Variants in PDP1 observed in about 807,000 individuals in gnomAD.
PDP1 encodes the protein pyruvate dehyrogenase phosphatase catalytic subunit 1.
In PDP1, 14 loss-of-function variants were observed where a neutral mutation model predicts 37.1. That is an observed-to-expected ratio of 0.38 (90% CI 0.25 to 0.59). The LOEUF is 0.59. PDP1 is among the 20% of genes least tolerant of loss of function. The probability of loss-of-function intolerance (pLI) is 0.67; values close to 1 mark genes in which losing one functional copy is unlikely to be tolerated. For missense variants in PDP1, 544 were observed against 655.3 expected, an observed-to-expected ratio of 0.83 and a Z score of 1.85; for synonymous variants, 251 against 243.3, an observed-to-expected ratio of 1.03 and a Z score of -0.29.
intron 1 of PDP1, chr8:93,921,684 T>C (rs1810275929): frequency 4.9e-6 from 1 of 204,354 alleles, no homozygotes; most frequent in East Asian, 1.2e-4. Flanking sequence ...TAATGTTATA[T>C]AACCTTCATC....
chr8:93,923,182 C>G lies in PDP1; in HGVS notation c.1123C>G (p.Gln375Glu). The G allele has an allele frequency of 6.2e-7, 1 of 1,614,094 alleles. No homozygotes were observed. The highest frequency in any genetic ancestry group is 1.1e-5 in the South Asian group (1 of 91,080). Residue 375 changes from glutamine to glutamate, a missense_variant, in exon 2 of 2, where the codon CAG (glutamine) becomes GAG (glutamate). Coordinates refer to ENST00000297598, the MANE Select transcript of PDP1 (RefSeq NM_018444.4). This position sits in a 1 kb window ranked among gnomAD's most constrained non-coding sequence, Gnocchi z 4.3. ...GAGAGTGATAGAATCTGGCCCAGAC[C>G]AGTTGAATGACAATGAATATACCAA... ...QKRVIESGPD[Q>E]LNDNEYTKFI...
intron 1 of PDP1, chr8:93,917,842 C>T: frequency 6.2e-7 from 1 of 1,612,846 alleles, no homozygotes; most frequent in Non-Finnish European, 8.5e-7. Context: ...TTTCAATGGG[C>T]CGGTGCTGCT....
chr8:93,917,884 G>A (rs1223342938), intron 1 of PDP1: 1 of 1,613,998 alleles, frequency 6.2e-7, no homozygotes, highest in Non-Finnish European at 8.5e-7. Flanking sequence ...GGTTGTGGAT[G>A]TTGTCGGCTC....
At position 93,925,596 on chromosome 8, in the gene PDP1, T is replaced by G. The variant is rs1333646100; in HGVS notation, c.*1923T>G. 1.2e-5 allele frequency: 2 copies of G among 167,012 alleles called. No individual in the cohort carries two copies. The highest frequency in any genetic ancestry group is 2.4e-5 in the African/African-American group (1 of 41,448). The allele number at this position is 167,012 out of a possible 1,614,324, so 10.3% of individuals were successfully genotyped here. On this transcript the variant is annotated 3_prime_UTR_variant, in exon 2 of 2. Transcript: ENST00000297598. ...TGTGGTCATGATCAAGATAGTAGTA[T>G]TATTACACAAGAAACTTGGTCTGCA...
intron 1 of PDP1, chr8:93,919,785 C>A (rs929934767): frequency 4.6e-5 from 7 of 151,928 alleles, no homozygotes; most frequent in African/African-American, 7.3e-5. Flanking sequence ...GATAGAAAAC[C>A]TTTATTCAAA....
chr8:93,917,872 C>T, intron 1 of PDP1: 4 of 1,613,846 alleles, frequency 2.5e-6, no homozygotes, highest in Non-Finnish European at 3.4e-6. Flanking sequence ...GCTGCCCGCG[C>T]GGGTTGTGGA....
intron 1 of PDP1, chr8:93,920,773 T>C (rs1810244424): frequency 1.2e-6 from 1 of 825,664 alleles, no homozygotes; most frequent in South Asian, 5.6e-5. Context: ...TCTTTTAAAA[T>C]TTATTTTTAA....
In PDP1 at chr8:93,923,263, A is replaced by G. The variant is rs769193664; in HGVS notation, c.1204A>G (p.Thr402Ala). ...TTATCTCACTGCTGAGCCAGAGGTA[A>G]CTTACCACCGATTAAGGCCACAGGA... ...PPYLTAEPEV[T>A]YHRLRPQDKF... The change falls in exon 2 of 2, where the codon ACT (threonine) becomes GCT (alanine). Residue 402 changes from threonine (T) to alanine (A), a missense_variant. By Grantham distance (58) the Thr-to-Ala change is moderately conservative (BLOSUM62 0). This residue lies in a region of PDP1 where 3 missense variants were observed against 17.2 expected (regional missense o/e 0.17). Transcript: ENST00000297598. This position sits in a 1 kb window ranked among gnomAD's most constrained non-coding sequence, Gnocchi z 4.3. The G allele has an allele frequency of 1.2e-6, 2 of 1,614,194 alleles. No homozygotes were observed.
chr8:93,922,989 G>C lies in PDP1; in HGVS notation c.930G>C (p.Leu310=), dbSNP rs1469669186. Residue 310 remains leucine, a synonymous_variant, in exon 2 of 2, where the codon CTG becomes CTC. Transcript: ENST00000297598. The surrounding 1 kb of genome is among the most constrained non-coding windows in gnomAD (Gnocchi z 4.0). ...EEDGSWSAVT[L]SNDHNAQNER... is the part of the protein sequence containing the mutation. Reference sequence around the variant, plus strand: ...ACGGCTCATGGTCAGCAGTCACGCTGTCTAATGACCACAATGCTCAAAATG... The same window carrying C: ...ACGGCTCATGGTCAGCAGTCACGCTCTCTAATGACCACAATGCTCAAAATG... The C allele has an allele frequency of 6.2e-7, 1 of 1,614,058 alleles. No individual in the cohort carries two copies. Among genetic ancestry groups the C allele is most frequent in the African/African-American group, 1.3e-5 (1 of 74,922 alleles).
chr8:93,923,239 T>A lies in PDP1; in HGVS notation c.1180T>A (p.Tyr394Asn). The change falls in exon 2 of 2, where the codon TAT becomes AAT. Residue 394 changes from tyrosine to asparagine, a missense_variant. Physicochemically the swap from Tyr to Asn is moderately radical, Grantham distance 143. Coordinates refer to ENST00000297598, the MANE Select transcript of PDP1 (RefSeq NM_018444.4). The surrounding 1 kb of genome is among the most constrained non-coding windows in gnomAD (Gnocchi z 4.3). The part of the protein sequence containing the change: ...FIPPNYHTPP[Y>N]LTAEPEVTYH... ...TCCTCCTAATTATCACACACCTCCT[T>A]ATCTCACTGCTGAGCCAGAGGTAAC... is the stretch of plus-strand genomic sequence containing the variant. 6.2e-7 allele frequency: 1 copy of A among 1,614,182 alleles called. No individual in the cohort carries two copies. The highest frequency in any genetic ancestry group is 8.5e-7 in the Non-Finnish European group (1 of 1,180,012).
At chr8:93,917,997 G>C (rs995642713) in intron 1 of PDP1, 1 of 1,605,376 alleles carries the variant, frequency 6.2e-7, no homozygotes, top group Non-Finnish European at 8.5e-7. Context: ...GATGGTGACA[G>C]ATTTTTGTGT....
Position 93,923,665 on chromosome 8 carries a change from C to G in PDP1, c.1606C>G (p.Gln536Glu), listed in dbSNP as rs1347339456. Residue 536 changes from glutamine to glutamate, a missense_variant, in exon 2 of 2, where the codon CAA becomes GAA. By Grantham distance (29) the Gln-to-Glu change is conservative. Transcript: ENST00000297598. This position sits in a 1 kb window ranked among gnomAD's most constrained non-coding sequence, Gnocchi z 4.3. The stretch of plus-strand genomic sequence containing the variant: ...TCATGTTGTAGGGGCGTATCAAAAC[C>G]AAGAATAGTGAGTGGCTCTTTCACT... Reference protein sequence around the residue: ...NSHVVGAYQNQE With the variant: ...NSHVVGAYQNEE The G allele has an allele frequency of 6.2e-7, 1 of 1,611,836 alleles. No individual in the cohort carries two copies. Among genetic ancestry groups the G allele is most frequent in the East Asian group, 2.2e-5 (1 of 44,896 alleles).
Position 93,917,597 on chromosome 8 carries a change from C to T in PDP1, c.-45+518C>T, listed in dbSNP as rs548720209. 11 of 427,528 alleles carry T rather than the reference C, an allele frequency of 2.6e-5. No homozygotes were observed. In the South Asian group the frequency reaches 3.3e-4, roughly 13 times the overall value. 26.5% of individuals were successfully genotyped at this position (427,528 alleles called of 1,614,324 possible). A position where few individuals can be genotyped will look rare whatever the true frequency, so the allele number is the denominator to read the frequency against. ...CGCCCCGGCTGGATGGAGGGGCTGG[C>T]CCTCGGGGCGCACCCCTGCTCGCGC... is the stretch of plus-strand genomic sequence containing the variant. On this transcript the variant is annotated intron_variant, in intron 1 of 1. Transcript: ENST00000297598.
intron 1 of PDP1, among the ~76,000 whole-genome samples, chr8:93,919,495 C>T (rs1810192985): frequency 1.4e-5 from 1 of 70,086 alleles, no homozygotes; most frequent in Admixed American, 1.9e-4. Flanking sequence ...GCTGCCCTCC[C>T]TCCCCCCCCC....
At chr8:93,920,727 T>C in intron 1 of PDP1, 1 of 892,344 alleles carries the variant, frequency 1.1e-6, no homozygotes, top group Non-Finnish European at 1.3e-6. Flanking sequence ...AAATACCTTT[T>C]TTTTTTTTTT....
chr8:93,922,384 A>G lies in PDP1; in HGVS notation c.325A>G (p.Ile109Val), dbSNP rs750815139. The G allele has an allele frequency of 1.1e-5, 18 of 1,614,102 alleles. No individual in the cohort carries two copies. In the Admixed American group the frequency reaches 1.3e-4, roughly 12 times the overall value. The stretch of plus-strand genomic sequence containing the variant: ...ATTTGACGGCAAAAATGTCAGTTCT[A>G]TCCTTGGATTTGACAGCAATCAGCT... ...PEFDGKNVSS[I>V]LGFDSNQLPA... The change falls in exon 2 of 2, where the codon ATC becomes GTC. Residue 109 changes from isoleucine (I) to valine (V), a missense_variant. Ile to Val is a conservative substitution (Grantham distance 29, BLOSUM62 3). This residue lies in a region of PDP1 where 342 missense variants were observed against 414.0 expected (regional missense o/e 0.83). Transcript: ENST00000297598. This position sits in a 1 kb window ranked among gnomAD's most constrained non-coding sequence, Gnocchi z 4.0.
intron 1 of PDP1, chr8:93,920,920 A>T (rs942990511): frequency 1.3e-5 from 13 of 978,720 alleles, no homozygotes; most frequent in Non-Finnish European, 1.6e-5. Flanking sequence ...CTAGGGGTTA[A>T]TTCTACTTTG....
rs1810373288 is a variant in PDP1, at chr8:93,924,194, G to A, written c.*521G>A. On this transcript the variant is annotated 3_prime_UTR_variant, in exon 2 of 2. Coordinates refer to ENST00000297598, the MANE Select transcript of PDP1 (RefSeq NM_018444.4). The stretch of plus-strand genomic sequence containing the variant: ...AAATCCAGTTCTTCAAGCCATAAAT[G>A]ACCAAGATCCAAGCAATCTGAATTT... 5.9e-6 allele frequency: 1 copy of A among 168,648 alleles called. No homozygotes were observed. Among genetic ancestry groups the A allele is most frequent in the African/African-American group, 2.4e-5 (1 of 41,426 alleles). 10.4% of individuals were successfully genotyped at this position (168,648 alleles called of 1,614,324 possible). A position where few individuals can be genotyped will look rare whatever the true frequency, so the allele number is the denominator to read the frequency against.
chr8:93,923,655 G>T lies in PDP1; in HGVS notation c.1596G>T (p.Ala532=). 2 of 1,613,340 alleles carry T rather than the reference G, an allele frequency of 1.2e-6. No individual in the cohort carries two copies. The highest frequency in any genetic ancestry group is 1.7e-6 in the Non-Finnish European group (2 of 1,179,506). ...AGTTCAATTCTCATGTTGTAGGGGC[G>T]TATCAAAACCAAGAATAGTGAGTGG... The part of the protein sequence containing the change: ...VVQFNSHVVG[A]YQNQE Residue 532 remains alanine, a synonymous_variant, in exon 2 of 2, where the codon GCG becomes GCT. Transcript: ENST00000297598. This position sits in a 1 kb window ranked among gnomAD's most constrained non-coding sequence, Gnocchi z 4.3.
Sources: gnomAD v4.1 joint callset for allele counts (sites outside exome capture counted in the v4.1 genomes callset) on GRCh38, gnomAD v4.1.1 for gene constraint, gnomAD v4.1.1 regional missense constraint, Gnocchi (gnomAD v3.1) non-coding constraint, MANE v1.5 for transcripts, NCBI Gene and HGNC (gene_info 2026-07-23, HGNC 2026-07-21) for gene names.